The following ABTB2 variants were observed in gnomAD, a reference collection of about 807,000 sequenced individuals.
ABTB2 encodes ankyrin repeat and BTB domain containing 2, also known as ankyrin repeat and BTB/POZ domain-containing protein 2.
A neutral mutation model predicts 104.1 loss-of-function variants in ABTB2; 56 were observed. That is an observed-to-expected ratio of 0.54 (90% CI 0.43 to 0.67). The LOEUF (loss-of-function observed/expected upper bound fraction) is 0.67. ABTB2 is among the 30% of genes least tolerant of loss of function. The probability of loss-of-function intolerance (pLI) is 0.00; values close to 1 mark genes in which losing one functional copy is unlikely to be tolerated. For missense variants in ABTB2, 1,279 were observed against 1,407.7 expected (o/e 0.91, Z 1.46); for synonymous variants, 606 against 608.2 (o/e 1.00, Z 0.05).
At chr11:34,325,873 C>T (rs943589777) in intron 1 of ABTB2, among the ~76,000 whole-genome samples, 31 of 151,680 alleles carry the variant, frequency 2.0e-4, no homozygotes, top group African/African-American at 7.5e-4. Context: ...GTCACTTGAA[C>T]TCGGGAGGTG....
intron 1 of ABTB2, among the ~76,000 whole-genome samples, chr11:34,240,270 G>A (rs971816022): frequency 3.3e-5 from 5 of 152,146 alleles, no homozygotes; most frequent in African/African-American, 1.2e-4. Flanking sequence ...TTGATGAACC[G>A]TCTCCATCGG....
At chr11:34,351,595 A>AC (rs1564939371) in intron 1 of ABTB2, among the ~76,000 whole-genome samples, 1 of 144,496 alleles carries the variant, frequency 6.9e-6, no homozygotes, top group African/African-American at 2.8e-5. Context: ...CTTGGTAGAA[A>AC]TGGGGACGGT....
At chr11:34,158,968 C>A (rs910522730) in intron 14 of ABTB2, among the ~76,000 whole-genome samples, 3 of 152,166 alleles carry the variant, frequency 2.0e-5, no homozygotes, top group African/African-American at 7.2e-5. Context: ...CAGTAATGCC[C>A]ATTGGCTGGG....
At chr11:34,172,433 T>TATA in intron 4 of ABTB2, among the ~76,000 whole-genome samples, 1 of 74,736 alleles carries the variant, frequency 1.3e-5, no homozygotes, top group Non-Finnish European at 2.7e-5. Context: ...TGTGTGTGTG[T>TATA]GTATATAGAT....
At chr11:34,328,101 C>G (rs1263764674) in intron 1 of ABTB2, among the ~76,000 whole-genome samples, 1 of 152,198 alleles carries the variant, frequency 6.6e-6, no homozygotes, top group Non-Finnish European at 1.5e-5. Flanking sequence ...ACTGGTCCTG[C>G]TGTCCAGGCT....
chr11:34,223,122 A>G (rs1853645186), intron 1 of ABTB2, among the ~76,000 whole-genome samples: 1 of 152,198 alleles, frequency 6.6e-6, no homozygotes, highest in Non-Finnish European at 1.5e-5. Context: ...GTGGGGCTAT[A>G]AACGTCACAT....
At chr11:34,339,799 T>C (rs1022204747) in intron 1 of ABTB2, among the ~76,000 whole-genome samples, 1 of 152,216 alleles carries the variant, frequency 6.6e-6, no homozygotes, top group Non-Finnish European at 1.5e-5. Flanking sequence ...ATTTAGCACA[T>C]TCTGGATGTT....
chr11:34,324,472 C>A (rs1373679860), intron 1 of ABTB2, among the ~76,000 whole-genome samples: 1 of 152,166 alleles, frequency 6.6e-6, no homozygotes, highest in Non-Finnish European at 1.5e-5. Context: ...ATCTACTTGT[C>A]ATTCCCACAG....
chr11:34,262,282 A>G (rs935459807), intron 1 of ABTB2, among the ~76,000 whole-genome samples: 3 of 152,166 alleles, frequency 2.0e-5, no homozygotes, highest in Admixed American at 1.3e-4. Context: ...GGCAGCTAGT[A>G]TTCCTTTAGC....
intron 1 of ABTB2, among the ~76,000 whole-genome samples, chr11:34,213,196 G>A (rs1211686703): frequency 6.6e-6 from 1 of 152,214 alleles, no homozygotes; most frequent in Non-Finnish European, 1.5e-5. Context: ...CGACAGCCCT[G>A]ACCAGGCGCA....
intron 1 of ABTB2, among the ~76,000 whole-genome samples, chr11:34,337,994 A>G (rs1480747734): frequency 6.6e-6 from 1 of 151,990 alleles, no homozygotes; most frequent in Non-Finnish European, 1.5e-5. Flanking sequence ...ACATACTGTG[A>G]GAGGAGCGCA....
chr11:34,275,664 A>G (rs2420525), intron 1 of ABTB2, among the ~76,000 whole-genome samples: 76,518 of 151,952 alleles, frequency 0.5, 20,653 homozygotes, highest in South Asian at 0.74. Flanking sequence ...TTCCCTCGAG[A>G]TCATTTTCCA....
chr11:34,223,571 G>C (rs538591411), intron 1 of ABTB2, among the ~76,000 whole-genome samples: 27 of 152,312 alleles, frequency 1.8e-4, no homozygotes, highest in African/African-American at 6.5e-4. Context: ...TGTTGCTCCT[G>C]CCTGGGTGGC....
chr11:34,162,907 G>A, intron 9 of ABTB2, 102 bp from the exon 10 acceptor site: 4 of 1,141,930 alleles, frequency 3.5e-6, no homozygotes, highest in Non-Finnish European at 4.9e-6. Context: ...GCTGCTCTGG[G>A]GTACCCGAGG....
intron 3 of ABTB2, among the ~76,000 whole-genome samples, chr11:34,177,950 A>G (rs1030094042): frequency 6.6e-6 from 1 of 152,142 alleles, no homozygotes; most frequent in Non-Finnish European, 1.5e-5. Context: ...GCGCTGTCTC[A>G]GGGAGCAGCT....
At chr11:34,331,345 A>C (rs143692114) in intron 1 of ABTB2, among the ~76,000 whole-genome samples, 2 of 152,360 alleles carry the variant, frequency 1.3e-5, no homozygotes, top group South Asian at 4.1e-4. Context: ...CATAAAACGC[A>C]AGGAGTAAGG....
chr11:34,178,265 C>T (rs1164630652), intron 3 of ABTB2, among the ~76,000 whole-genome samples: 1 of 152,142 alleles, frequency 6.6e-6, no homozygotes, highest in East Asian at 1.9e-4. Flanking sequence ...CCTTGGTCCA[C>T]CCACCTCCCC....
intron 1 of ABTB2, among the ~76,000 whole-genome samples, chr11:34,280,369 G>A (rs1008741965): frequency 1.3e-5 from 2 of 152,142 alleles, no homozygotes; most frequent in Non-Finnish European, 2.9e-5. Flanking sequence ...TTCCCAACAG[G>A]TAGGTTTGAG....
At chr11:34,191,155 G>A (rs1168467174) in intron 3 of ABTB2, among the ~76,000 whole-genome samples, 1 of 152,168 alleles carries the variant, frequency 6.6e-6, no homozygotes, top group Non-Finnish European at 1.5e-5. Flanking sequence ...TATAGTCCCA[G>A]CTACTTGGGA....
Sources: allele counts gnomAD v4.1 joint callset (sites outside exome capture counted in the v4.1 genomes callset), GRCh38; gene constraint gnomAD v4.1.1; transcripts MANE v1.5; gene names NCBI Gene and HGNC (gene_info 2026-07-23, HGNC 2026-07-21).